GRIP1: variants seen among roughly 807,000 people sequenced by gnomAD.
GRIP1 encodes the protein glutamate receptor-interacting protein 1.
GRIP1 carries 45 observed loss-of-function variants against 129.9 expected under a neutral mutation model. The ratio of observed to expected loss-of-function variants is 0.35; its 90% CI spans 0.27 to 0.44. The LOEUF is 0.44. Ranked by LOEUF, GRIP1 falls within the 20% of genes least tolerant of loss-of-function variation. The probability of loss-of-function intolerance (pLI) is 1.00; values close to 1 mark genes in which losing one functional copy is unlikely to be tolerated. For synonymous variants in GRIP1, 530 were observed against 520.8 expected, an observed-to-expected ratio of 1.02 and a Z score of -0.24; for missense variants, 1,196 against 1,396.8, an observed-to-expected ratio of 0.86 and a Z score of 2.29.
At chr12:66,680,973 G>A (rs557549374), upstream of GRIP1, among the ~76,000 whole-genome samples, 1 of 149,644 alleles carries the variant, frequency 6.7e-6, no homozygotes, top group African/African-American at 2.4e-5. Context: ...TATTTTTTTT[G>A]TTTTGTTTTA....
intron 1 of GRIP1, among the ~76,000 whole-genome samples, chr12:66,655,949 T>C (rs1271163290): frequency 6.6e-6 from 1 of 152,190 alleles, no homozygotes; most frequent in Non-Finnish European, 1.5e-5. Flanking sequence ...CAAAGAGAGC[T>C]AGTGTATTGA....
At chr12:66,944,820 T>A (rs2041640998) in intron 1 of GRIP1, among the ~76,000 whole-genome samples, 1 of 152,132 alleles carries the variant, frequency 6.6e-6, no homozygotes, top group South Asian at 2.1e-4. Context: ...TGAGACAGAG[T>A]CTCACTTTGT....
intron 1 of GRIP1, among the ~76,000 whole-genome samples, chr12:66,814,994 G>T (rs12314839): frequency 2.0e-5 from 3 of 151,918 alleles, no homozygotes; most frequent in Admixed American, 1.3e-4. Context: ...CTGGTCCTGC[G>T]GTTGACAAAT....
At chr12:66,769,714 C>T (rs935672603) in intron 1 of GRIP1, among the ~76,000 whole-genome samples, 1 of 152,116 alleles carries the variant, frequency 6.6e-6, no homozygotes, top group African/African-American at 2.4e-5. Context: ...CCCTTTCCAG[C>T]AAGTTCACTA....
In GRIP1 at chr12:66,995,228, T is replaced by C. The variant is rs568967403; in HGVS notation, c.58+73822A>G. ...ATGGATCATATCTACATGTAAGAGC[T>C]AAAACTATAAAACTCATGGAAGAAA... On this transcript the variant is annotated intron_variant, in intron 1 of 1. Transcript: ENST00000643019. Among the ~76,000 whole-genome samples the C allele has an allele frequency of 1.3e-3, 189 of 148,254 alleles. 2 individuals are homozygous for C. Among genetic ancestry groups the C allele is most frequent in the African/African-American group, 4.5e-3 (183 of 40,672 alleles).
At chr12:66,980,127 G>A (rs1044811949) in intron 1 of GRIP1, among the ~76,000 whole-genome samples, 2 of 152,182 alleles carry the variant, frequency 1.3e-5, no homozygotes, top group Admixed American at 1.3e-4. Context: ...CACGCACTAA[G>A]TCTGTTTAAT....
At chr12:66,439,830 C>T (rs2058421057) in intron 13 of GRIP1, among the ~76,000 whole-genome samples, 1 of 152,130 alleles carries the variant, frequency 6.6e-6, no homozygotes, top group Non-Finnish European at 1.5e-5. Flanking sequence ...TCTCTGGAAA[C>T]CTCAATCTCT....
chr12:66,419,315 G>A (rs988748241), intron 15 of GRIP1, among the ~76,000 whole-genome samples: 4 of 152,076 alleles, frequency 2.6e-5, no homozygotes, highest in African/African-American at 9.7e-5. Context: ...TAGTGGGGGG[G>A]TCAGCGTGGG....
At chr12:66,903,857 A>G (rs10878521) in intron 1 of GRIP1, among the ~76,000 whole-genome samples, 39,460 of 152,070 alleles carry the variant, frequency 0.26, 5,524 homozygotes, top group East Asian at 0.45. Context: ...GGGTTTATGG[A>G]CTGCTGCCTT....
At chr12:66,498,017 C>A (rs1452958759) in intron 7 of GRIP1, among the ~76,000 whole-genome samples, 1 of 152,100 alleles carries the variant, frequency 6.6e-6, no homozygotes, top group Non-Finnish European at 1.5e-5. Flanking sequence ...CCACTGGGCA[C>A]CTTGCGACCC....
At chr12:66,509,994 CT>C (rs140232411) in intron 7 of GRIP1, among the ~76,000 whole-genome samples, 10,332 of 152,140 alleles carry the variant, frequency 0.068, 446 homozygotes, top group Admixed American at 0.14. Flanking sequence ...TTTCCTTATA[CT>C]TTTATGTTAC....
intron 7 of GRIP1, among the ~76,000 whole-genome samples, chr12:66,477,888 T>C (rs1230554008): frequency 6.6e-6 from 1 of 152,158 alleles, no homozygotes; most frequent in Non-Finnish European, 1.5e-5. Flanking sequence ...CAAGATGGAT[T>C]AAAGACTTAA....
chr12:66,869,516 T>C (rs2040260155), intron 1 of GRIP1, among the ~76,000 whole-genome samples: 1 of 152,140 alleles, frequency 6.6e-6, no homozygotes, highest in South Asian at 2.1e-4. Flanking sequence ...CTGACCTTAA[T>C]TAACATGTTT....
intron 2 of GRIP1, among the ~76,000 whole-genome samples, chr12:66,576,797 C>A (rs1819701772): frequency 6.6e-6 from 1 of 152,200 alleles, no homozygotes; most frequent in Non-Finnish European, 1.5e-5. Flanking sequence ...ATGGAGAGTA[C>A]AGAGTTGCAC....
At chr12:66,671,379 T>G (rs1412601449) in intron 1 of GRIP1, among the ~76,000 whole-genome samples, 4 of 152,170 alleles carry the variant, frequency 2.6e-5, no homozygotes, top group African/African-American at 4.8e-5. Context: ...GTTCTAGAGT[T>G]CATCCCTCTT....
At chr12:66,757,721 G>A (rs2127533) in intron 1 of GRIP1, among the ~76,000 whole-genome samples, 39,184 of 152,068 alleles carry the variant, frequency 0.26, 6,087 homozygotes, top group Non-Finnish European at 0.35. Flanking sequence ...AACAGTGTAC[G>A]AAGGTTCCCT....
At chr12:66,416,140 A>T (rs2057593855) in intron 15 of GRIP1, among the ~76,000 whole-genome samples, 1 of 152,196 alleles carries the variant, frequency 6.6e-6, no homozygotes, top group Admixed American at 6.5e-5. Context: ...GAAATGAAAC[A>T]ACCTGCTTCT....
At chr12:66,939,649 A>G (rs2041551319) in intron 1 of GRIP1, among the ~76,000 whole-genome samples, 1 of 150,186 alleles carries the variant, frequency 6.7e-6, no homozygotes, top group South Asian at 2.1e-4. Context: ...TCTAGCTACA[A>G]AAGAGTCATG....
chr12:66,539,296 C>T (rs1216069876), intron 3 of GRIP1, 73 bp from the exon 4 acceptor site: 2 of 1,591,366 alleles, frequency 1.3e-6, no homozygotes, highest in Non-Finnish European at 1.7e-6. Context: ...TTCCACTTTC[C>T]CTTCATGGTA....
Sources: gnomAD v4.1 joint callset for allele counts (sites outside exome capture counted in the v4.1 genomes callset) on GRCh38, gnomAD v4.1.1 for gene constraint, MANE v1.5 for transcripts, NCBI Gene and HGNC (gene_info 2026-07-23, HGNC 2026-07-21) for gene names.